The following RPGRIP1 variants were observed in gnomAD, a reference collection of about 807,000 sequenced individuals.
RPGRIP1 encodes X-linked retinitis pigmentosa GTPase regulator-interacting protein 1.
Under a neutral mutation model 157.9 loss-of-function variants are expected in RPGRIP1, and 128 were observed. The ratio of observed to expected loss-of-function variants is 0.81; its 90% CI spans 0.70 to 0.94. The LOEUF is 0.94. Among genes scored for constraint, RPGRIP1 ranks in the 40% least tolerant of loss-of-function variants. The pLI, the probability that RPGRIP1 is intolerant of heterozygous loss-of-function variation, is 0.00. For missense variants in RPGRIP1, 1,486 were observed against 1,545.8 expected (o/e 0.96, Z 0.65); for synonymous variants, 554 against 571.6 (o/e 0.97, Z 0.44).
intron 2 of RPGRIP1, among the ~76,000 whole-genome samples, chr14:21,289,036 A>G (rs1880412904): frequency 6.6e-6 from 1 of 152,106 alleles, no homozygotes; most frequent in South Asian, 2.1e-4. Flanking sequence ...ATTATTTAAG[A>G]TATCTTTAGG....
At chr14:21,297,010 G>A (rs2139149377) in intron 3 of RPGRIP1, among the ~76,000 whole-genome samples, 1 of 152,032 alleles carries the variant, frequency 6.6e-6, no homozygotes, top group Non-Finnish European at 1.5e-5. Flanking sequence ...TTATTAAGAG[G>A]AAAAGGAAGC....
At chr14:21,307,009 C>T (rs1339066780) in intron 6 of RPGRIP1, among the ~76,000 whole-genome samples, 1 of 152,080 alleles carries the variant, frequency 6.6e-6, no homozygotes, top group Non-Finnish European at 1.5e-5. Context: ...CTCTTGACCT[C>T]GTGATCTGCC....
intron 10 of RPGRIP1, among the ~76,000 whole-genome samples, chr14:21,314,226 C>A (rs1228260540): frequency 1.3e-5 from 2 of 151,808 alleles, no homozygotes; most frequent in Admixed American, 6.6e-5. Flanking sequence ...GGGACCACAG[C>A]CACACGCCAC....
At chr14:21,321,541 G>A in intron 13 of RPGRIP1, 139 bp downstream of exon 13, 4 of 1,435,904 alleles carry the variant, frequency 2.8e-6, no homozygotes, top group South Asian at 3.2e-5. Flanking sequence ...CACAATGGCT[G>A]TCCTTTGAAG....
chr14:21,332,360 G>C (rs1021435099), intron 20 of RPGRIP1, among the ~76,000 whole-genome samples: 1 of 152,064 alleles, frequency 6.6e-6, no homozygotes, highest in Admixed American at 6.6e-5. Context: ...TGATTTCTCC[G>C]TCAAAGTTTA....
At chr14:21,307,657 G>C (rs8005773) in intron 6 of RPGRIP1, 74 bp from the exon 7 acceptor site, 231,550 of 925,942 alleles carry the variant, frequency 0.25, 30,985 homozygotes, top group South Asian at 0.3. Context: ...ATTCTTACTA[G>C]GGCATAGTCA....
chr14:21,325,371 C>T lies in RPGRIP1; in HGVS notation c.2355C>T (p.Ala785=), dbSNP rs1256749999. 1.3e-6 allele frequency: 2 copies of T among 1,577,510 alleles called. No individual in the cohort carries two copies. Among genetic ancestry groups the T allele is most frequent in the African/African-American group, 2.7e-5 (2 of 74,032 alleles). Residue 785 remains alanine, a synonymous_variant, in exon 16 of 25, where the codon GCC becomes GCT. Transcript: ENST00000400017. Reference sequence around the variant, plus strand: ...CCGATGTGCTTGGAGGCCGGAAGGCCCAGGAAGAGGAGGTGAGAAAAAAGA... The same window carrying T: ...CCGATGTGCTTGGAGGCCGGAAGGCTCAGGAAGAGGAGGTGAGAAAAAAGA... ...LSTDVLGGRK[A]QEEEFRSESW...
chr14:21,346,379 A>G (rs1233334111), intron 23 of RPGRIP1, among the ~76,000 whole-genome samples: 3 of 152,042 alleles, frequency 2.0e-5, no homozygotes, highest in African/African-American at 7.2e-5. Flanking sequence ...GTGAAACCCC[A>G]TCTCTACTAA....
chr14:21,325,667 G>A (rs1463809580), intron 16 of RPGRIP1, 164 bp from the exon 17 acceptor site: 5 of 657,808 alleles, frequency 7.6e-6, no homozygotes, highest in African/African-American at 5.5e-5. Flanking sequence ...TGAAATAACT[G>A]CCAGAGCCAG....
intron 3 of RPGRIP1, among the ~76,000 whole-genome samples, chr14:21,295,632 C>T (rs181050725): frequency 3.8e-4 from 57 of 151,896 alleles, no homozygotes; most frequent in Middle Eastern, 3.4e-3. Flanking sequence ...TATAGGCATG[C>T]GCCACCACAC....
intron 19 of RPGRIP1, 44 bp from the exon 20 acceptor site, chr14:21,330,205 C>G: frequency 2.1e-6 from 3 of 1,409,658 alleles, no homozygotes; most frequent in Non-Finnish European, 2.8e-6. Flanking sequence ...GAAAGAAAAC[C>G]AAGATATTAC....
chr14:21,336,988 C>G (rs1884427605), intron 21 of RPGRIP1, among the ~76,000 whole-genome samples: 2 of 152,292 alleles, frequency 1.3e-5, no homozygotes, highest in Non-Finnish European at 2.9e-5. Context: ...GTGTTATTAT[C>G]AAGTTAAACG....
At chr14:21,312,890 A>C (rs1881599042) in intron 10 of RPGRIP1, among the ~76,000 whole-genome samples, 2 of 151,978 alleles carry the variant, frequency 1.3e-5, no homozygotes, top group Non-Finnish European at 2.9e-5. Flanking sequence ...GCTGGAAAAC[A>C]GTGGCATTCT....
At position 21,342,959 on chromosome 14, in the gene RPGRIP1, A is replaced by G. The variant is rs78217014; in HGVS notation, c.3340-77A>G. Reference sequence around the variant, plus strand: ...TGGTTGATTTCTAGAGAGTACCGTAATGGGTTAATTGGATGGCGTATAAGC... The same window carrying G: ...TGGTTGATTTCTAGAGAGTACCGTAGTGGGTTAATTGGATGGCGTATAAGC... On this transcript the variant is annotated intron_variant, in intron 21 of 24. Transcript: ENST00000400017. The G allele has an allele frequency of 7.7e-3, 7,628 of 994,670 alleles. 209 individuals are homozygous for G. In the African/African-American group the frequency reaches 0.079, roughly 10 times the overall value. The allele number at this position is 994,670 out of a possible 1,614,324, so 61.6% of individuals were successfully genotyped here.
intron 24 of RPGRIP1, among the ~76,000 whole-genome samples, 191 bp from the exon 25 acceptor site, chr14:21,350,913 A>G (rs1244222359): frequency 6.6e-6 from 1 of 152,154 alleles, no homozygotes; most frequent in African/African-American, 2.4e-5. Context: ...TTATGTCCCC[A>G]AAGCAACTTG....
At chr14:21,345,322 A>G (rs1272781092) in intron 23 of RPGRIP1, 125 bp downstream of exon 23, 1 of 638,160 alleles carries the variant, frequency 1.6e-6, no homozygotes, top group African/African-American at 1.9e-5. Flanking sequence ...ACTCTTAATG[A>G]ATTTCCTATG....
At chr14:21,285,734 G>A (rs569605416) in intron 1 of RPGRIP1, among the ~76,000 whole-genome samples, 1 of 152,008 alleles carries the variant, frequency 6.6e-6, no homozygotes, top group Non-Finnish European at 1.5e-5. Flanking sequence ...AAGCGGATCA[G>A]CTGAGGTTGG....
intron 10 of RPGRIP1, among the ~76,000 whole-genome samples, chr14:21,316,070 G>A (rs184447046): frequency 2.9e-4 from 43 of 147,192 alleles, no homozygotes; most frequent in Admixed American, 4.2e-4. Flanking sequence ...CCTGCCTCCC[G>A]ATGTTTAAGC....
At chr14:21,295,199 G>A (rs1262776962) in intron 3 of RPGRIP1, among the ~76,000 whole-genome samples, 3 of 151,868 alleles carry the variant, frequency 2.0e-5, no homozygotes, top group Non-Finnish European at 2.9e-5. Flanking sequence ...CAAACATGTC[G>A]ATAGACTGTG....
Sources: allele counts gnomAD v4.1 joint callset (sites outside exome capture counted in the v4.1 genomes callset), GRCh38; gene constraint gnomAD v4.1.1; transcripts MANE v1.5; gene names NCBI Gene and HGNC (gene_info 2026-07-23, HGNC 2026-07-21).